The following TET2 variants were observed in gnomAD, a reference collection of about 807,000 sequenced individuals.
The protein encoded by TET2 is methylcytosine dioxygenase TET2.
Under a neutral mutation model 142.9 loss-of-function variants are expected in TET2, and 299 were observed. The observed-to-expected ratio is 2.09, with a 90% CI of 1.90 to 2.30. The LOEUF (loss-of-function observed/expected upper bound fraction) is 2.30. Among genes scored for constraint, TET2 ranks in the 30% most tolerant of loss-of-function variants. The probability of loss-of-function intolerance (pLI) is 0.00; values close to 1 mark genes in which losing one functional copy is unlikely to be tolerated. For missense variants in TET2, 2,418 were observed against 2,378.0 expected (o/e 1.02, Z -0.35); for synonymous variants, 819 against 849.0 (o/e 0.96, Z 0.61).
chr4:105,161,272 C>T (rs1362854754), intron 1 of TET2, among the ~76,000 whole-genome samples: 2 of 152,130 alleles, frequency 1.3e-5, no homozygotes, highest in African/African-American at 2.4e-5. Flanking sequence ...AGAGCAAAAG[C>T]AGCCTTCTGG....
rs1206510081 is a variant in TET2, at chr4:105,247,714, C to CTTTTTTTTTTT, written c.3803+3951_3803+3961dup. Among the ~76,000 whole-genome samples, 493 of 65,324 alleles carry CTTTTTTTTTTT rather than the reference C, an allele frequency of 7.5e-3. 1 individual carries two copies. The highest frequency in any genetic ancestry group is 8.6e-3 in the Non-Finnish European group (316 of 36,810). The allele number at this position is 65,324 out of a possible 152,430, so 42.9% of individuals were successfully genotyped here. A position where few individuals can be genotyped will look rare whatever the true frequency, so the allele number is the denominator to read the frequency against. On this transcript the variant is annotated intron_variant, in intron 6 of 10. Coordinates refer to ENST00000380013, the MANE Select transcript of TET2 (RefSeq NM_001127208.3). ...TAGTTTGACTGGTTCTTTTTCTTTT[C>CTTTTTTTTTTT]TTTTTTTTTTTTTTTTTTTTTTTTT...
At position 105,272,583 on chromosome 4, in the gene TET2, A is replaced by C. The variant is rs1475373362; in HGVS notation, c.4202A>C (p.Glu1401Ala). The change falls in exon 10 of 11, where the codon GAA becomes GCA. Residue 1401 changes from glutamate (E) to alanine (A), a missense_variant. Glu to Ala is a moderately radical substitution (Grantham distance 107). Coordinates refer to ENST00000380013, the MANE Select transcript of TET2 (RefSeq NM_001127208.3). ...TACCAGGTATGCACTCTCACTAGAG[A>C]AGACAATCGAGAATTTGGAGGAAAA... ...GSTLVCTLTREDNREFGGKPE... is the reference protein window; with the variant it reads ...GSTLVCTLTRADNREFGGKPE... 6.5e-7 allele frequency: 1 copy of C among 1,541,378 alleles called. No individual in the cohort carries two copies. The highest frequency in any genetic ancestry group is 8.8e-7 in the Non-Finnish European group (1 of 1,142,830).
intron 1 of TET2, among the ~76,000 whole-genome samples, chr4:105,187,422 G>A (rs1725522361): frequency 6.6e-6 from 1 of 152,106 alleles, no homozygotes. Context: ...AAAGAAAAAT[G>A]AAATAGCCTA....
At chr4:105,243,522 T>G (rs1327768983) in intron 5 of TET2, 48 bp from the exon 6 acceptor site, 1 of 1,517,490 alleles carries the variant, frequency 6.6e-7, no homozygotes. Context: ...CCTTGTTTTG[T>G]TTTGGTTGGG....
intron 3 of TET2, chr4:105,238,771 C>G (rs1458101395): frequency 8.4e-6 from 2 of 239,018 alleles, no homozygotes; most frequent in East Asian, 1.3e-4. Context: ...ATATATTGAC[C>G]CCCTCCCATG....
Position 105,252,216 on chromosome 4 carries a change from A to G in TET2, c.3804-7403A>G, listed in dbSNP as rs111630007. Among the ~76,000 whole-genome samples, 1,097 of 152,240 alleles carry G rather than the reference A, an allele frequency of 7.2e-3. 45 individuals are homozygous for G. Among genetic ancestry groups the G allele is most frequent in the Admixed American group, 0.055 (837 of 15,280 alleles). On this transcript the variant is annotated intron_variant, in intron 6 of 10. Transcript: ENST00000380013. Reference sequence around the variant, plus strand: ...CTACCCCACTAACCCTTAGCAACCAATGATCTTTTTATCTCAATAATTTTG... The same window carrying G: ...CTACCCCACTAACCCTTAGCAACCAGTGATCTTTTTATCTCAATAATTTTG...
intron 3 of TET2, chr4:105,239,952 GC>G (rs978279693): frequency 3.7e-5 from 9 of 242,188 alleles, no homozygotes; most frequent in Middle Eastern, 1.3e-3. Context: ...GAATAGAGAG[GC>G]CCAGGGAGAG....
At chr4:105,250,908 C>T (rs1181396429) in intron 6 of TET2, among the ~76,000 whole-genome samples, 1 of 152,082 alleles carries the variant, frequency 6.6e-6, no homozygotes, top group East Asian at 1.9e-4. Context: ...TCTCAAACAC[C>T]TGGCCTCAAG....
At chr4:105,248,101 T>C (rs776973397) in intron 6 of TET2, among the ~76,000 whole-genome samples, 2 of 152,204 alleles carry the variant, frequency 1.3e-5, no homozygotes, top group Non-Finnish European at 2.9e-5. Context: ...TAAAATCATC[T>C]TATTTATATA....
intron 2 of TET2, among the ~76,000 whole-genome samples, chr4:105,212,551 A>G (rs1002430763): frequency 6.6e-6 from 1 of 152,184 alleles, no homozygotes; most frequent in Non-Finnish European, 1.5e-5. Flanking sequence ...TGCATACTAA[A>G]TCAAATTTGA....
chr4:105,234,368 C>T lies in TET2; in HGVS notation c.426C>T (p.Ser142=), dbSNP rs540228872. The T allele has an allele frequency of 6.2e-5, 100 of 1,613,952 alleles. No homozygotes were observed. Among genetic ancestry groups the T allele is most frequent in the Non-Finnish European group, 7.5e-5 (88 of 1,179,984 alleles). The change falls in exon 3 of 11, where the codon TCC becomes TCT. Residue 142 remains serine (S), a synonymous_variant. Coordinates refer to ENST00000380013, the MANE Select transcript of TET2 (RefSeq NM_001127208.3). Reference sequence around the variant, plus strand: ...GTGAAAGCAGTCAACCAAATGTCTCCGATTTGAGTGATAAGAAAGAATCTG... The same window carrying T: ...GTGAAAGCAGTCAACCAAATGTCTCTGATTTGAGTGATAAGAAAGAATCTG... ...NPGESSQPNV[S]DLSDKKESVS...
chr4:105,190,778 G>T lies in TET2; in HGVS notation c.-47+273G>T, dbSNP rs561935388. On this transcript the variant is annotated intron_variant, in intron 2 of 10. Coordinates refer to ENST00000380013, the MANE Select transcript of TET2 (RefSeq NM_001127208.3). ...TATGGAGTTTTTAAAAAGAGGTAAG[G>T]ATTATTCAAATGTAACTATAAACAT... is the stretch of plus-strand genomic sequence containing the variant. The T allele has an allele frequency of 1.3e-4, 47 of 349,894 alleles. No homozygotes were observed. The Middle Eastern group carries it at 2.4e-3, about 18-fold the overall frequency. The allele number at this position is 349,894 out of a possible 1,614,324, so 21.7% of individuals were successfully genotyped here.
chr4:105,224,684 G>GTCTCTCCCTC (rs1728065776), intron 2 of TET2, among the ~76,000 whole-genome samples: 1 of 108,106 alleles, frequency 9.3e-6, no homozygotes, highest in Non-Finnish European at 1.9e-5. Flanking sequence ...ATATCAGCCA[G>GTCTCTCCCTC]TCTCTCTCTC....
chr4:105,165,616 A>C (rs372308663), intron 1 of TET2, among the ~76,000 whole-genome samples: 8 of 152,364 alleles, frequency 5.3e-5, no homozygotes, highest in African/African-American at 1.9e-4. Flanking sequence ...TGAATTTCCC[A>C]CAACAATTAT....
At chr4:105,241,731 C>G in intron 4 of TET2, 1 of 1,258,176 alleles carries the variant, frequency 7.9e-7, no homozygotes, top group Non-Finnish European at 1.0e-6. Flanking sequence ...GGCACAGGCT[C>G]CAACGAGAGG....
intron 1 of TET2, among the ~76,000 whole-genome samples, chr4:105,161,139 A>G (rs1413348630): frequency 6.6e-6 from 1 of 152,196 alleles, no homozygotes; most frequent in Admixed American, 6.5e-5. Flanking sequence ...TTATTCACAT[A>G]TAGAAACTCA....
At chr4:105,227,630 A>G (rs1164927915) in intron 2 of TET2, among the ~76,000 whole-genome samples, 1 of 152,174 alleles carries the variant, frequency 6.6e-6, no homozygotes, top group African/African-American at 2.4e-5. Context: ...AAAATCAATC[A>G]TGATAATTCA....
chr4:105,276,081 TG>T lies in TET2; in HGVS notation c.5572del (p.Asp1858ThrfsTer29). The T allele has an allele frequency of 6.4e-7, 1 of 1,551,698 alleles. No individual in the cohort carries two copies. Among genetic ancestry groups the T allele is most frequent in the Non-Finnish European group, 8.7e-7 (1 of 1,146,974 alleles). On this transcript the variant is annotated frameshift_variant, in exon 11 of 11. Coordinates refer to ENST00000380013, the MANE Select transcript of TET2 (RefSeq NM_001127208.3). LOFTEE classifies it high-confidence loss of function. ...ACAGCGAGCAGAGCTTTCTGGATCC[TG>T]ACATTGGGGGAGTGGCCGTGGCTCC... ...SDSEQSFLDP[D>X]IGGVAVAPTH...
intron 1 of TET2, among the ~76,000 whole-genome samples, chr4:105,169,241 C>T (rs575897595): frequency 1.1e-4 from 16 of 152,234 alleles, no homozygotes; most frequent in African/African-American, 3.9e-4. Context: ...TCCATGCCAA[C>T]GTCTACTATT....
Sources: gnomAD v4.1 joint callset for allele counts (sites outside exome capture counted in the v4.1 genomes callset) on GRCh38, gnomAD v4.1.1 for gene constraint, MANE v1.5 for transcripts, NCBI Gene and HGNC (gene_info 2026-07-23, HGNC 2026-07-21) for gene names.